Variants in COL12A1 observed in about 807,000 individuals in gnomAD.
The protein encoded by COL12A1 is collagen alpha-1(XII) chain.
Under a neutral mutation model 349.7 loss-of-function variants are expected in COL12A1, and 114 were observed. The ratio of observed to expected loss-of-function variants is 0.33; its 90% confidence interval spans 0.28 to 0.38. The LOEUF is 0.38. COL12A1 is among the 10% of genes least tolerant of loss of function. The pLI, the probability that COL12A1 is intolerant of heterozygous loss-of-function variation, is 1.00. For missense variants in COL12A1, 3,284 were observed against 3,756.9 expected (o/e 0.87, Z 3.29); for synonymous variants, 1,369 against 1,329.0 (o/e 1.03, Z -0.66).
At chr6:75,148,260 T>A in intron 22 of COL12A1, 98 bp downstream of exon 22, 3 of 1,224,754 alleles carry the variant, frequency 2.4e-6, no homozygotes, top group Non-Finnish European at 3.4e-6. Flanking sequence ...CCCCTCTTCA[T>A]CCCTCTTGCC....
intron 51 of COL12A1, among the ~76,000 whole-genome samples, chr6:75,111,789 A>G (rs1427767794): frequency 6.6e-6 from 1 of 151,700 alleles, no homozygotes; most frequent in Non-Finnish European, 1.5e-5. Context: ...AAGTAGATAT[A>G]CGATTGTACT....
intron 13 of COL12A1, among the ~76,000 whole-genome samples, chr6:75,172,581 C>T (rs2149448015): frequency 6.6e-6 from 1 of 152,246 alleles, no homozygotes; most frequent in South Asian, 2.1e-4. Context: ...TTGTGGAAAG[C>T]ATATGGAGAA....
chr6:75,201,181 T>TA (rs1264308810), intron 2 of COL12A1, among the ~76,000 whole-genome samples: 1 of 152,186 alleles, frequency 6.6e-6, no homozygotes, highest in Non-Finnish European at 1.5e-5. Flanking sequence ...TAATGAGCAA[T>TA]AAATGGGCCA....
At chr6:75,138,637 T>C (rs1766745280) in intron 28 of COL12A1, 57 bp from the exon 29 acceptor site, 14 of 1,601,086 alleles carry the variant, frequency 8.7e-6, no homozygotes, top group Non-Finnish European at 1.0e-5. Context: ...ACTTACATCA[T>C]ACACACTCAA....
intron 1 of COL12A1, among the ~76,000 whole-genome samples, chr6:75,205,334 C>G (rs1770725455): frequency 6.6e-6 from 1 of 151,304 alleles, no homozygotes; most frequent in Admixed American, 6.6e-5. Context: ...ACTCAGCGGG[C>G]CCTCCAAAGA....
At chr6:75,114,212 A>C (rs1486130575) in intron 49 of COL12A1, among the ~76,000 whole-genome samples, 1 of 151,916 alleles carries the variant, frequency 6.6e-6, no homozygotes, top group Non-Finnish European at 1.5e-5. Context: ...AAATGGCTTA[A>C]GGTTTTAATT....
At chr6:75,113,786 A>T in intron 49 of COL12A1, 42 bp from the exon 50 acceptor site, 3 of 1,440,940 alleles carry the variant, frequency 2.1e-6, no homozygotes, top group Non-Finnish European at 2.8e-6. Flanking sequence ...GAGGAAAGAA[A>T]AAAAGAAAGG....
chr6:75,191,756 T>G lies in COL12A1; in HGVS notation c.339A>C (p.Gln113His). Residue 113 changes from glutamine to histidine, a missense_variant, in exon 5 of 66, where the codon CAA becomes CAC. Physicochemically the swap from Gln to His is conservative, Grantham distance 24. This residue lies in a region of COL12A1 where 2,601 missense variants were observed against 2,824.8 expected (regional missense o/e 0.92). Transcript: ENST00000322507. ...SVPVIGQLTI[Q>H]TGSSTKPVEK... ...CCACTGGCTTTGTCGAACTACCTGT[T>G]TGAACTAAGTTAAAACTTTATTATT... The G allele has an allele frequency of 6.3e-7, 1 of 1,590,200 alleles. No homozygotes were observed. The highest frequency in any genetic ancestry group is 8.6e-7 in the Non-Finnish European group (1 of 1,168,044).
chr6:75,130,101 A>T lies in COL12A1; in HGVS notation c.6200T>A (p.Ile2067Asn). 1.2e-6 allele frequency: 2 copies of T among 1,613,382 alleles called. No homozygotes were observed. The highest frequency in any genetic ancestry group is 1.7e-6 in the Non-Finnish European group (2 of 1,179,808). ...IIYSPTVGDP[I>N]DEYTTVPGRR... is the part of the protein sequence containing the mutation. ...GAGTATCAGACTTACATATTCATCA[A>T]TTGGATCACCAACAGTGGGAGAATA... The change falls in exon 37 of 66, where the codon ATT becomes AAT. Residue 2067 changes from isoleucine (I) to asparagine (N), a missense_variant. By Grantham distance (149) the Ile-to-Asn change is moderately radical. Transcript: ENST00000322507.
intron 2 of COL12A1, among the ~76,000 whole-genome samples, chr6:75,199,243 C>T (rs141340578): frequency 2.6e-5 from 4 of 152,230 alleles, no homozygotes; most frequent in African/African-American, 9.6e-5. Flanking sequence ...TAAGTAAGTG[C>T]ATTAGTTGAC....
chr6:75,089,011 A>AG (rs1401053069), intron 64 of COL12A1, 95 bp downstream of exon 64: 1 of 996,562 alleles, frequency 1.0e-6, no homozygotes. Flanking sequence ...AAAAACAAAA[A>AG]AAAGAATAAC....
chr6:75,106,500 CA>C lies in COL12A1; in HGVS notation c.8101-5del. On this transcript the variant is annotated splice_region_variant and splice_polypyrimidine_tract_variant and intron_variant, in intron 52 of 65. Transcript: ENST00000322507. ...TGTCAAAACTCTGGATTTGGAACTG[CA>C]AACAACCAACAGCAACATCAGCTAA... The C allele has an allele frequency of 6.2e-7, 1 of 1,613,742 alleles. No homozygotes were observed. Among genetic ancestry groups the C allele is most frequent in the Non-Finnish European group, 8.5e-7 (1 of 1,179,736 alleles).
chr6:75,194,714 T>A, intron 3 of COL12A1, 117 bp downstream of exon 3: 1 of 604,886 alleles, frequency 1.7e-6, no homozygotes, highest in South Asian at 3.3e-5. Context: ...GTGACATGGA[T>A]CAAATCCCTC....
At position 75,090,115 on chromosome 6, in the gene COL12A1, TC is replaced by T; in HGVS notation, c.8935del (p.Glu2979AsnfsTer98). 1 of 1,613,210 alleles carries T rather than the reference TC, an allele frequency of 6.2e-7. No individual in the cohort carries two copies. The highest frequency in any genetic ancestry group is 1.1e-5 in the South Asian group (1 of 91,028). ...CAGAAGCCAGAAATGCCTACCTCGT[TC>T]CCCAGGGGGTCCCTGCATCCCTGGT... The part of the protein sequence containing the change: ...GTPGMQGPPG[E>X]RGLPGEKGER... On this transcript the variant is annotated frameshift_variant, in exon 63 of 66. Coordinates refer to ENST00000322507, the MANE Select transcript of COL12A1 (RefSeq NM_004370.6). LOFTEE classifies it high-confidence loss of function. The surrounding 1 kb of genome is among the most constrained non-coding windows in gnomAD (Gnocchi z 4.1).
Position 75,089,258 on chromosome 6 carries a change from C to T in COL12A1, c.8942-84G>A. The T allele has an allele frequency of 4.0e-6, 4 of 996,780 alleles. No individual in the cohort carries two copies. In the South Asian group the frequency reaches 6.5e-5, roughly 16 times the overall value. 61.7% of individuals were successfully genotyped at this position (996,780 alleles called of 1,614,324 possible). A position where few individuals can be genotyped will look rare whatever the true frequency, so the allele number is the denominator to read the frequency against. On this transcript the variant is annotated intron_variant, in intron 63 of 65. Transcript: ENST00000322507. ...TCATCTTAACTGATAATATTTGATT[C>T]AAGTAATTCATTTCCTTAGTGAAAG...
chr6:75,150,882 G>GAA (rs911982820), intron 21 of COL12A1, among the ~76,000 whole-genome samples: 2 of 150,940 alleles, frequency 1.3e-5, no homozygotes, highest in Non-Finnish European at 3.0e-5. Context: ...AAACAAATCA[G>GAA]AAAAAAAAAT....
At chr6:75,125,354 C>A in intron 39 of COL12A1, 81 bp from the exon 40 acceptor site, 1 of 1,349,612 alleles carries the variant, frequency 7.4e-7, no homozygotes, top group Non-Finnish European at 1.0e-6. Flanking sequence ...ATCTTATAGT[C>A]AAAGGGTATT....
chr6:75,168,083 T>C (rs947891673), intron 13 of COL12A1, among the ~76,000 whole-genome samples: 2 of 152,120 alleles, frequency 1.3e-5, no homozygotes, highest in African/African-American at 4.8e-5. Flanking sequence ...CATAGCAACA[T>C]AGACTCCAAA....
chr6:75,125,022 T>G, intron 40 of COL12A1, 105 bp downstream of exon 40: 2 of 1,096,652 alleles, frequency 1.8e-6, no homozygotes, highest in Admixed American at 5.9e-5. Context: ...GCCTACATAA[T>G]GCTGAGGAAA....
Sources: gnomAD v4.1 joint callset for allele counts (sites outside exome capture counted in the v4.1 genomes callset) on GRCh38, gnomAD v4.1.1 for gene constraint, gnomAD v4.1.1 regional missense constraint, Gnocchi (gnomAD v3.1) non-coding constraint, MANE v1.5 for transcripts, NCBI Gene and HGNC (gene_info 2026-07-23, HGNC 2026-07-21) for gene names.